CNTNAP4: variants seen among roughly 807,000 people sequenced by gnomAD.
CNTNAP4 encodes contactin associated protein family member 4, also known as contactin-associated protein-like 4.
Under a neutral mutation model 148.4 loss-of-function variants are expected in CNTNAP4, and 98 were observed. That is an observed-to-expected ratio of 0.66 (90% CI 0.56 to 0.78). The LOEUF (loss-of-function observed/expected upper bound fraction) is 0.78, where lower values mean the gene tolerates loss of function less well. Ranked by LOEUF, CNTNAP4 falls within the 30% of genes least tolerant of loss-of-function variation. The pLI, the probability that CNTNAP4 is intolerant of heterozygous loss-of-function variation, is 0.00. For synonymous variants in CNTNAP4, 730 were observed against 565.1 expected, an observed-to-expected ratio of 1.29 and a Z score of -4.14; for missense variants, 1,935 against 1,565.6, an observed-to-expected ratio of 1.24 and a Z score of -3.98.
chr16:76,286,486 A>G (rs1465226778), intron 1 of CNTNAP4, among the ~76,000 whole-genome samples: 2 of 151,918 alleles, frequency 1.3e-5, no homozygotes, highest in Non-Finnish European at 2.9e-5. Flanking sequence ...AAAGATCTTT[A>G]TTTTCTAGGA....
intron 1 of CNTNAP4, among the ~76,000 whole-genome samples, chr16:76,314,004 T>G (rs886971408): frequency 2.0e-5 from 3 of 152,178 alleles, no homozygotes; most frequent in Non-Finnish European, 4.4e-5. Context: ...CTGAATAAAT[T>G]AAACATGTAT....
intron 3 of CNTNAP4, among the ~76,000 whole-genome samples, chr16:76,384,851 C>T (rs187599580): frequency 8.0e-4 from 121 of 152,152 alleles, no homozygotes; most frequent in African/African-American, 2.8e-3. Context: ...CCCAAAATAC[C>T]TAATATAAGG....
chr16:76,388,157 C>T (rs1271789090), intron 3 of CNTNAP4, among the ~76,000 whole-genome samples: 1 of 152,072 alleles, frequency 6.6e-6, no homozygotes, highest in Non-Finnish European at 1.5e-5. Context: ...TGGATTTAGC[C>T]AGATCAGCAT....
At chr16:76,505,187 T>C (rs2082799677) in intron 15 of CNTNAP4, among the ~76,000 whole-genome samples, 2 of 152,280 alleles carry the variant, frequency 1.3e-5, no homozygotes, top group Middle Eastern at 3.4e-3. Flanking sequence ...CTTTATTCCA[T>C]AGTCCCCTAA....
At chr16:76,323,641 T>A (rs577567082) in intron 2 of CNTNAP4, among the ~76,000 whole-genome samples, 1 of 152,304 alleles carries the variant, frequency 6.6e-6, no homozygotes, top group African/African-American at 2.4e-5. Flanking sequence ...CCTGGCTGGT[T>A]CCCTCTTGGC....
At chr16:76,320,098 A>G (rs949710651) in intron 2 of CNTNAP4, among the ~76,000 whole-genome samples, 2 of 152,190 alleles carry the variant, frequency 1.3e-5, no homozygotes, top group African/African-American at 4.8e-5. Context: ...CGTTGGTGTA[A>G]ATACAAAGGT....
rs543067034 is a variant in CNTNAP4, at chr16:76,373,472, C to G, written c.390+17961C>G. On this transcript the variant is annotated intron_variant, in intron 3 of 23. Transcript: ENST00000611870. ...TAAGATTTTTTCTTTTTATTATTAT[C>G]TGCACTAAATTTACTCCTTTCAGAA... 9.7e-4 allele frequency among the ~76,000 whole-genome samples: 148 copies of G among 152,218 alleles called. 1 individual carries two copies. The highest frequency in any genetic ancestry group is 3.3e-3 in the African/African-American group (137 of 41,544).
intron 15 of CNTNAP4, among the ~76,000 whole-genome samples, chr16:76,501,445 ACTTT>A (rs2082639959): frequency 6.6e-6 from 1 of 151,964 alleles, no homozygotes; most frequent in Non-Finnish European, 1.5e-5. Flanking sequence ...TCTCCCTTAG[ACTTT>A]CTTTCTCCCA....
intron 11 of CNTNAP4, among the ~76,000 whole-genome samples, chr16:76,477,202 A>G (rs2081616817): frequency 6.6e-6 from 1 of 152,100 alleles, no homozygotes; most frequent in Non-Finnish European, 1.5e-5. Flanking sequence ...TTTTTCCTGT[A>G]TTACAAATCA....
intron 1 of CNTNAP4, chr16:76,309,999 G>A: frequency 1.5e-6 from 1 of 645,504 alleles, no homozygotes. Context: ...AGTTGCTACA[G>A]GAGTTATTAT....
At position 76,460,793 on chromosome 16, in the gene CNTNAP4, T is replaced by TATATAC. The variant is rs1292198875; in HGVS notation, c.1334-1161_1334-1160insATACAT. On this transcript the variant is annotated intron_variant, in intron 8 of 23. Coordinates refer to ENST00000611870, the MANE Select transcript of CNTNAP4 (RefSeq NM_033401.5). ...AAAAAAATATATATATATATATATA[T>TATATAC]ATTTAGAATTGTATATAAATATATA... 2.7e-3 allele frequency among the ~76,000 whole-genome samples: 295 copies of TATATAC among 110,428 alleles called. 8 individuals are homozygous for TATATAC. Among genetic ancestry groups the TATATAC allele is most frequent in the African/African-American group, 0.01 (280 of 26,768 alleles). The allele number at this position is 110,428 out of a possible 152,430, so 72.4% of individuals were successfully genotyped here.
intron 4 of CNTNAP4, among the ~76,000 whole-genome samples, chr16:76,442,797 A>G (rs2080095414): frequency 6.6e-6 from 1 of 152,178 alleles, no homozygotes; most frequent in Admixed American, 6.5e-5. Context: ...CACAACTCCC[A>G]GCACTGCCAC....
intron 3 of CNTNAP4, among the ~76,000 whole-genome samples, chr16:76,397,817 G>A (rs1431228137): frequency 6.7e-6 from 1 of 149,052 alleles, no homozygotes; most frequent in South Asian, 2.1e-4. Flanking sequence ...GTGTGTGTGT[G>A]TAGAGCGAAG....
chr16:76,554,688 G>A (rs78261297), intron 23 of CNTNAP4, among the ~76,000 whole-genome samples: 3 of 151,752 alleles, frequency 2.0e-5, no homozygotes, highest in African/African-American at 7.3e-5. Context: ...GATATAGAAA[G>A]TAAACAATTA....
At chr16:76,449,457 G>T (rs113891397) in intron 6 of CNTNAP4, among the ~76,000 whole-genome samples, 1 of 152,142 alleles carries the variant, frequency 6.6e-6, no homozygotes, top group African/African-American at 2.4e-5. Flanking sequence ...GTTTTACCAT[G>T]TTATAAAGAT....
At chr16:76,486,696 C>G (rs926079827) in intron 12 of CNTNAP4, among the ~76,000 whole-genome samples, 1 of 152,146 alleles carries the variant, frequency 6.6e-6, no homozygotes, top group Non-Finnish European at 1.5e-5. Context: ...GTAATAAAAA[C>G]CTAAGGACTG....
chr16:76,427,696 G>T, intron 4 of CNTNAP4, 97 bp downstream of exon 4: 2 of 1,123,688 alleles, frequency 1.8e-6, no homozygotes, highest in Non-Finnish European at 1.2e-6. Flanking sequence ...GCTACATAAA[G>T]AGGTATAAAA....
intron 12 of CNTNAP4, among the ~76,000 whole-genome samples, chr16:76,483,807 GCT>G (rs781027364): frequency 1.3e-5 from 2 of 152,148 alleles, no homozygotes; most frequent in Non-Finnish European, 2.9e-5. Context: ...AATTTTTGCA[GCT>G]CTGTTTGTGT....
Position 76,507,510 on chromosome 16 carries a change from A to G in CNTNAP4, c.2365+8816A>G, listed in dbSNP as rs1597774306. Among the ~76,000 whole-genome samples the G allele has an allele frequency of 2.1e-5, 2 of 97,350 alleles. 1 individual carries two copies. The highest frequency in any genetic ancestry group is 8.1e-4 in the South Asian group (2 of 2,460). 63.9% of individuals were successfully genotyped at this position (97,350 alleles called of 152,430 possible). A position where few individuals can be genotyped will look rare whatever the true frequency, so the allele number is the denominator to read the frequency against. Reference sequence around the variant, plus strand: ...CTGTACCTGGCTTATTTCACTTTACATAATGACCTCCAGTTCCATCCATAT... The same window carrying G: ...CTGTACCTGGCTTATTTCACTTTACGTAATGACCTCCAGTTCCATCCATAT... On this transcript the variant is annotated intron_variant, in intron 15 of 23. Transcript: ENST00000611870.
Sources: allele counts gnomAD v4.1 joint callset (sites outside exome capture counted in the v4.1 genomes callset), GRCh38; gene constraint gnomAD v4.1.1; transcripts MANE v1.5; gene names NCBI Gene and HGNC (gene_info 2026-07-23, HGNC 2026-07-21).